Variants in MSI2 observed in about 807,000 individuals in gnomAD.
MSI2 encodes musashi RNA binding protein 2.
A neutral mutation model predicts 45.6 loss-of-function variants in MSI2; 17 were observed. That is an observed-to-expected ratio of 0.37 (90% CI 0.26 to 0.56). The LOEUF (loss-of-function observed/expected upper bound fraction) is 0.56, where lower values mean the gene tolerates loss of function less well. Among genes scored for constraint, MSI2 ranks in the 20% least tolerant of loss-of-function variants. The probability of loss-of-function intolerance (pLI) is 0.77; values close to 1 mark genes in which losing one functional copy is unlikely to be tolerated. For synonymous variants in MSI2, 156 were observed against 158.2 expected (o/e 0.99, Z 0.11); for missense variants, 293 against 444.2 (o/e 0.66, Z 3.06).
intron 13 of MSI2, among the ~76,000 whole-genome samples, 199 bp downstream of exon 13, chr17:57,677,258 C>CA (rs1415346373): frequency 6.6e-6 from 1 of 152,002 alleles, no homozygotes; most frequent in Non-Finnish European, 1.5e-5. Flanking sequence ...AGCTTTTAAT[C>CA]ATGACCCCCA....
At chr17:57,384,836 G>A (rs890624196) in intron 5 of MSI2, among the ~76,000 whole-genome samples, 1 of 152,080 alleles carries the variant, frequency 6.6e-6, no homozygotes, top group African/African-American at 2.4e-5. Flanking sequence ...TACACAGATT[G>A]TCCTACAGAC....
At chr17:57,264,660 G>A (rs1907615461) in intron 5 of MSI2, 1 of 152,244 alleles carries the variant, frequency 6.6e-6, no homozygotes. Context: ...GCAGCCCTAT[G>A]AGGAGAGTAC....
intron 6 of MSI2, among the ~76,000 whole-genome samples, chr17:57,492,976 C>T (rs112020843): frequency 3.9e-5 from 6 of 152,244 alleles, no homozygotes; most frequent in African/African-American, 1.2e-4. Flanking sequence ...GATGAGAATT[C>T]GTTAAAACAG....
intron 5 of MSI2, among the ~76,000 whole-genome samples, chr17:57,277,039 G>C (rs915350594): frequency 6.7e-6 from 1 of 149,152 alleles, no homozygotes; most frequent in African/African-American, 2.5e-5. Context: ...GGGGGTTTGG[G>C]TTGGTTTTCT....
At chr17:57,336,813 T>C (rs988151217) in intron 5 of MSI2, among the ~76,000 whole-genome samples, 2 of 152,200 alleles carry the variant, frequency 1.3e-5, no homozygotes, top group Admixed American at 6.5e-5. Flanking sequence ...CCCCAGAATT[T>C]AGCAACTTAA....
chr17:57,428,586 A>G (rs2084537323), intron 6 of MSI2, among the ~76,000 whole-genome samples: 1 of 152,138 alleles, frequency 6.6e-6, no homozygotes, highest in African/African-American at 2.4e-5. Flanking sequence ...CTTTTTTTAA[A>G]AGTCCTAATG....
chr17:57,511,697 G>C (rs1321935400), intron 6 of MSI2, among the ~76,000 whole-genome samples: 3 of 152,160 alleles, frequency 2.0e-5, no homozygotes, highest in Non-Finnish European at 4.4e-5. Context: ...CTTGACCTCA[G>C]TTGGCACTGT....
At chr17:57,277,126 G>A (rs1308882774) in intron 5 of MSI2, among the ~76,000 whole-genome samples, 2 of 150,932 alleles carry the variant, frequency 1.3e-5, no homozygotes, top group Non-Finnish European at 2.9e-5. Flanking sequence ...CAGGATCTGG[G>A]CTCACTGCAG....
intron 6 of MSI2, among the ~76,000 whole-genome samples, chr17:57,439,589 C>T (rs926069437): frequency 2.0e-5 from 3 of 148,610 alleles, no homozygotes; most frequent in Admixed American, 6.7e-5. Context: ...TGGCATCTCT[C>T]GCTCTGTCGC....
At chr17:57,675,598 C>T (rs1913173369) in intron 12 of MSI2, among the ~76,000 whole-genome samples, 1 of 152,154 alleles carries the variant, frequency 6.6e-6, no homozygotes, top group South Asian at 2.1e-4. Flanking sequence ...GGGAAATGTC[C>T]CAGCTCCCCA....
chr17:57,257,766 C>A (rs541510134), intron 3 of MSI2, among the ~76,000 whole-genome samples: 2 of 151,676 alleles, frequency 1.3e-5, no homozygotes, highest in South Asian at 4.2e-4. Flanking sequence ...CATCTCTCTG[C>A]TTTTAAGTCA....
At chr17:57,367,949 T>C (rs768505938) in intron 5 of MSI2, among the ~76,000 whole-genome samples, 2 of 152,068 alleles carry the variant, frequency 1.3e-5, no homozygotes, top group Non-Finnish European at 2.9e-5. Flanking sequence ...TTTGTAGGGT[T>C]CCTGGGTCTT....
Position 57,610,709 on chromosome 17 carries a change from C to A in MSI2, c.538-5261C>A, listed in dbSNP as rs1353373850. ...AGTGTTAGCGACCACAGGGGCCACA[C>A]TCCCATCAGGCCTTCGTTTTGTTCT... On this transcript the variant is annotated intron_variant, in intron 8 of 13. Transcript: ENST00000284073. 2.1e-5 allele frequency among the ~76,000 whole-genome samples: 2 copies of A among 93,674 alleles called. 1 individual carries two copies. The highest frequency in any genetic ancestry group is 5.1e-5 in the Non-Finnish European group (2 of 39,368). 61.5% of individuals were successfully genotyped at this position (93,674 alleles called of 152,430 possible).
At chr17:57,582,038 A>C (rs2088220821) in intron 7 of MSI2, among the ~76,000 whole-genome samples, 1 of 152,206 alleles carries the variant, frequency 6.6e-6, no homozygotes, top group South Asian at 2.1e-4. Flanking sequence ...CTCAGTCAGG[A>C]GGACCCAGGA....
chr17:57,264,336 G>A (rs769349988), intron 5 of MSI2: 4 of 151,812 alleles, frequency 2.6e-5, no homozygotes, highest in Non-Finnish European at 5.9e-5. Flanking sequence ...AAAAAAAGAC[G>A]TTGCATGGTA....
chr17:57,483,170 G>A (rs1468630990), intron 6 of MSI2, among the ~76,000 whole-genome samples: 2 of 152,210 alleles, frequency 1.3e-5, no homozygotes, highest in African/African-American at 2.4e-5. Context: ...TCTTGCATTG[G>A]TTGGAGTCTA....
chr17:57,505,549 A>G (rs1178152878), intron 6 of MSI2, among the ~76,000 whole-genome samples: 2 of 152,210 alleles, frequency 1.3e-5, no homozygotes, highest in Non-Finnish European at 2.9e-5. Flanking sequence ...CCCCTAACAT[A>G]TGCAGGTATT....
At chr17:57,328,684 G>A (rs1238433887) in intron 5 of MSI2, among the ~76,000 whole-genome samples, 3 of 151,462 alleles carry the variant, frequency 2.0e-5, no homozygotes, top group Non-Finnish European at 4.4e-5. Context: ...GGACAGCTGT[G>A]TGGCTCAGCT....
At chr17:57,616,671 CT>C (rs1386563846) in intron 9 of MSI2, 1 of 150,364 alleles carries the variant, frequency 6.7e-6, no homozygotes, top group Non-Finnish European at 1.5e-5. Flanking sequence ...TGTGTTTGTT[CT>C]GACTAAAAAT....
Sources: gnomAD v4.1 joint callset for allele counts (sites outside exome capture counted in the v4.1 genomes callset) on GRCh38, gnomAD v4.1.1 for gene constraint, MANE v1.5 for transcripts, NCBI Gene and HGNC (gene_info 2026-07-23, HGNC 2026-07-21) for gene names.